Variants in DAPK1 observed in about 807,000 individuals in gnomAD.
DAPK1 encodes the protein death associated protein kinase 1.
In DAPK1, 56 loss-of-function variants were observed where a neutral mutation model predicts 144.9. The observed-to-expected ratio is 0.39, with a 90% CI of 0.31 to 0.48. The LOEUF is 0.48. Among genes scored for constraint, DAPK1 ranks in the 20% least tolerant of loss-of-function variants. The pLI is 0.95. For missense variants in DAPK1, 1,454 were observed against 1,875.4 expected (o/e 0.78, Z 4.15); for synonymous variants, 690 against 749.0 (o/e 0.92, Z 1.29).
intron 2 of DAPK1, among the ~76,000 whole-genome samples, chr9:87,598,381 T>C (rs1188496810): frequency 2.0e-5 from 3 of 152,220 alleles, no homozygotes; most frequent in Non-Finnish European, 4.4e-5. Flanking sequence ...AGAGAATTCA[T>C]CGTAATACTA....
intron 2 of DAPK1, among the ~76,000 whole-genome samples, chr9:87,559,496 C>A (rs1826831799): frequency 1.3e-5 from 2 of 152,156 alleles, no homozygotes; most frequent in South Asian, 4.1e-4. Context: ...TTTTAATATT[C>A]TTTAATTTTA....
At chr9:87,652,789 C>T (rs13283076) in intron 17 of DAPK1, among the ~76,000 whole-genome samples, 1 of 143,200 alleles carries the variant, frequency 7.0e-6, no homozygotes, top group African/African-American at 2.6e-5. Context: ...GATTCTGTGT[C>T]CTCCCACCTG....
chr9:87,688,009 T>G (rs956721620), intron 21 of DAPK1, among the ~76,000 whole-genome samples: 3 of 152,204 alleles, frequency 2.0e-5, no homozygotes, highest in Non-Finnish European at 2.9e-5. Flanking sequence ...TCAACTTGTA[T>G]TTTAGATTCA....
At chr9:87,646,624 G>A (rs1216438466) in intron 13 of DAPK1, 65 bp downstream of exon 13, 2 of 1,304,296 alleles carry the variant, frequency 1.5e-6, no homozygotes, top group Non-Finnish European at 1.1e-6. Flanking sequence ...TTAATCATAG[G>A]GGTAACAGAG....
intron 2 of DAPK1, among the ~76,000 whole-genome samples, chr9:87,530,362 C>G (rs1825658875): frequency 6.6e-6 from 1 of 152,170 alleles, no homozygotes; most frequent in African/African-American, 2.4e-5. Flanking sequence ...ACATCTAGCC[C>G]TCTGTAGGGT....
chr9:87,672,198 C>T (rs1824194448), intron 19 of DAPK1, among the ~76,000 whole-genome samples: 1 of 152,206 alleles, frequency 6.6e-6, no homozygotes, highest in Non-Finnish European at 1.5e-5. Context: ...CTGTGAGGTG[C>T]AGCAGTGGCC....
intron 24 of DAPK1, among the ~76,000 whole-genome samples, chr9:87,702,407 C>A (rs908635620): frequency 3.9e-5 from 6 of 152,146 alleles, no homozygotes; most frequent in Non-Finnish European, 7.3e-5. Flanking sequence ...ACAGTCCCCA[C>A]GAATGCCTAA....
At chr9:87,604,431 A>G (rs1372571746) in intron 2 of DAPK1, among the ~76,000 whole-genome samples, 3 of 152,238 alleles carry the variant, frequency 2.0e-5, no homozygotes, top group African/African-American at 7.2e-5. Context: ...TATTTGGTAC[A>G]TATGACTTAT....
intron 3 of DAPK1, among the ~76,000 whole-genome samples, chr9:87,609,638 T>G (rs1828857404): frequency 6.6e-6 from 1 of 152,200 alleles, no homozygotes; most frequent in South Asian, 2.1e-4. Context: ...TAACAGAAGC[T>G]TTAGTCATCA....
intron 2 of DAPK1, among the ~76,000 whole-genome samples, chr9:87,504,803 T>C (rs1824528129): frequency 6.6e-6 from 1 of 152,194 alleles, no homozygotes; most frequent in African/African-American, 2.4e-5. Context: ...TCTTAAATCA[T>C]CTCTAGATTA....
chr9:87,605,325 C>G, intron 3 of DAPK1, 150 bp downstream of exon 3: 1 of 661,716 alleles, frequency 1.5e-6, no homozygotes. Flanking sequence ...GCCGTGCTGC[C>G]TGACCTGAAA....
intron 18 of DAPK1, among the ~76,000 whole-genome samples, chr9:87,658,521 T>C (rs1318954799): frequency 6.6e-6 from 1 of 152,094 alleles, no homozygotes; most frequent in African/African-American, 2.4e-5. Context: ...TCAGTGGGTG[T>C]TGGGTGCAGT....
At chr9:87,577,442 C>T (rs1044868823) in intron 2 of DAPK1, among the ~76,000 whole-genome samples, 10 of 152,140 alleles carry the variant, frequency 6.6e-5, no homozygotes, top group African/African-American at 1.9e-4. Flanking sequence ...CCAGGGTCCC[C>T]CCCAAGAGAT....
chr9:87,590,251 G>C (rs762476265), intron 2 of DAPK1, among the ~76,000 whole-genome samples: 9 of 150,876 alleles, frequency 6.0e-5, no homozygotes, highest in African/African-American at 2.2e-4. Flanking sequence ...GTGGAGACTC[G>C]AATTTTTAAA....
chr9:87,584,583 G>T (rs1827872033), intron 2 of DAPK1, among the ~76,000 whole-genome samples: 1 of 152,074 alleles, frequency 6.6e-6, no homozygotes, highest in Non-Finnish European at 1.5e-5. Context: ...GTGTACAAGG[G>T]TTCTCTTTTC....
intron 19 of DAPK1, among the ~76,000 whole-genome samples, chr9:87,675,559 C>T (rs1037985746): frequency 6.6e-6 from 1 of 151,958 alleles, no homozygotes; most frequent in African/African-American, 2.4e-5. Flanking sequence ...CCTTACCCAG[C>T]GGGTGAGGAG....
At chr9:87,702,270 A>G (rs1446343447) in intron 24 of DAPK1, among the ~76,000 whole-genome samples, 1 of 152,164 alleles carries the variant, frequency 6.6e-6, no homozygotes, top group Non-Finnish European at 1.5e-5. Context: ...TGTGGTTTCT[A>G]ATTCAGAGGT....
At chr9:87,665,582 A>G (rs1410892251) in intron 18 of DAPK1, among the ~76,000 whole-genome samples, 2 of 152,226 alleles carry the variant, frequency 1.3e-5, no homozygotes, top group Non-Finnish European at 2.9e-5. Context: ...TGCGAAGCAT[A>G]TTACACGTGT....
At chr9:87,688,223 A>T (rs1824934485) in intron 21 of DAPK1, among the ~76,000 whole-genome samples, 1 of 152,132 alleles carries the variant, frequency 6.6e-6, no homozygotes, top group African/African-American at 2.4e-5. Flanking sequence ...TAATTCACTT[A>T]GGATAATAGC....
Sources: gnomAD v4.1 joint callset for allele counts (sites outside exome capture counted in the v4.1 genomes callset) on GRCh38, gnomAD v4.1.1 for gene constraint, MANE v1.5 for transcripts, NCBI Gene and HGNC (gene_info 2026-07-23, HGNC 2026-07-21) for gene names.